The following AGFG2 variants were observed in gnomAD, a reference collection of about 807,000 sequenced individuals.
AGFG2 encodes the protein arf-GAP domain and FG repeat-containing protein 2.
In AGFG2, 31 loss-of-function variants were observed where a neutral mutation model predicts 48.0. The observed-to-expected ratio is 0.65, with a 90% CI of 0.49 to 0.87. The LOEUF (loss-of-function observed/expected upper bound fraction) is 0.87. Ranked by LOEUF, AGFG2 falls within the 40% of genes least tolerant of loss-of-function variation. The pLI is 0.00. For missense variants in AGFG2, 599 were observed against 632.6 expected, an observed-to-expected ratio of 0.95 and a Z score of 0.57; for synonymous variants, 229 against 260.8, an observed-to-expected ratio of 0.88 and a Z score of 1.18.
At chr7:100,549,675 GTTTATTTATTTA>G (rs762684092) in intron 2 of AGFG2, among the ~76,000 whole-genome samples, 72 of 151,606 alleles carry the variant, frequency 4.7e-4, no homozygotes, top group African/African-American at 1.6e-3. Flanking sequence ...CTCAATATTT[GTTTATTTATTTA>G]TTTATTTATT....
chr7:100,547,180 C>A (rs996772609), intron 1 of AGFG2, among the ~76,000 whole-genome samples: 1 of 151,062 alleles, frequency 6.6e-6, no homozygotes, highest in East Asian at 1.9e-4. Flanking sequence ...CCCCCACCAC[C>A]GCTGCTTTTG....
intron 3 of AGFG2, among the ~76,000 whole-genome samples, chr7:100,551,576 T>A (rs1800646777): frequency 6.7e-6 from 1 of 149,612 alleles, no homozygotes; most frequent in Non-Finnish European, 1.5e-5. Context: ...CCAATCAACC[T>A]CACATCAAAA....
intron 1 of AGFG2, among the ~76,000 whole-genome samples, chr7:100,539,914 G>T (rs1027710737): frequency 6.6e-6 from 1 of 152,076 alleles, no homozygotes; most frequent in Non-Finnish European, 1.5e-5. Flanking sequence ...GTGGGATGGG[G>T]TGTCGGGACT....
chr7:100,554,048 C>A, intron 4 of AGFG2, 45 bp from the exon 5 acceptor site: 1 of 1,576,764 alleles, frequency 6.3e-7, no homozygotes, highest in South Asian at 1.2e-5. Flanking sequence ...GGGCCTGGGG[C>A]ATGTCTGGGA....
intron 1 of AGFG2, among the ~76,000 whole-genome samples, chr7:100,544,299 T>G (rs1800473422): frequency 6.6e-6 from 1 of 152,182 alleles, no homozygotes; most frequent in African/African-American, 2.4e-5. Flanking sequence ...CCAACTTTAC[T>G]GTGATCACAG....
At chr7:100,560,246 TTG>T (rs904917368) in intron 6 of AGFG2, among the ~76,000 whole-genome samples, 7 of 151,926 alleles carry the variant, frequency 4.6e-5, no homozygotes, top group Admixed American at 1.3e-4. Context: ...TGGCTCAATC[TTG>T]GCTCACTGCA....
At chr7:100,561,966 CAGG>C (rs1488142715) in intron 6 of AGFG2, among the ~76,000 whole-genome samples, 1 of 152,188 alleles carries the variant, frequency 6.6e-6, no homozygotes, top group Non-Finnish European at 1.5e-5. Context: ...CAAACTGGAG[CAGG>C]AGGAGGACAG....
chr7:100,563,223 A>G (rs1800917711), intron 9 of AGFG2, among the ~76,000 whole-genome samples: 1 of 152,202 alleles, frequency 6.6e-6, no homozygotes, highest in Non-Finnish European at 1.5e-5. Context: ...TCCAGCCCTC[A>G]GCAGTGTCCC....
At chr7:100,541,412 A>G (rs1800418653) in intron 1 of AGFG2, among the ~76,000 whole-genome samples, 1 of 152,140 alleles carries the variant, frequency 6.6e-6, no homozygotes, top group African/African-American at 2.4e-5. Context: ...ATGGACTGAA[A>G]TGAAGCAAGA....
At chr7:100,540,546 C>A (rs1800403067) in intron 1 of AGFG2, among the ~76,000 whole-genome samples, 1 of 152,100 alleles carries the variant, frequency 6.6e-6, no homozygotes, top group African/African-American at 2.4e-5. Flanking sequence ...AAGCCCCCTC[C>A]ACTCCCCTCT....
Position 100,563,000 on chromosome 7 carries a change from C to T in AGFG2, c.1171+54C>T. 1 of 1,488,000 alleles carries T rather than the reference C, an allele frequency of 6.7e-7. No individual in the cohort carries two copies. The highest frequency in any genetic ancestry group is 2.3e-5 in the East Asian group (1 of 42,686). The allele number at this position is 1,488,000 out of a possible 1,614,324, so 92.2% of individuals were successfully genotyped here. On this transcript the variant is annotated intron_variant, in intron 9 of 11. Coordinates refer to ENST00000300176, the MANE Select transcript of AGFG2 (RefSeq NM_006076.5). This position sits in a 1 kb window ranked among gnomAD's most constrained non-coding sequence, Gnocchi z 5.4. ...GACCATCTGAGACTTCCAAGGCACACATTACCCTGCAGCCTCTCCCTTAAC... is the reference window on the plus strand; with the variant it reads ...GACCATCTGAGACTTCCAAGGCACATATTACCCTGCAGCCTCTCCCTTAAC...
At chr7:100,554,454 CATT>C (rs1331213313) in intron 5 of AGFG2, among the ~76,000 whole-genome samples, 196 bp downstream of exon 5, 2 of 152,140 alleles carry the variant, frequency 1.3e-5, no homozygotes, top group Non-Finnish European at 2.9e-5. Flanking sequence ...GATCCTAAAA[CATT>C]ATAGTTGAGG....
chr7:100,564,194 T>A (rs748275906), intron 10 of AGFG2, 24 bp from the exon 11 acceptor site: 7 of 1,601,330 alleles, frequency 4.4e-6, no homozygotes, highest in Non-Finnish European at 6.0e-6. Flanking sequence ...TGGTGTCAGC[T>A]GAGTGACTGC....
At position 100,553,494 on chromosome 7, in the gene AGFG2, G is replaced by A. The variant is rs746458135; in HGVS notation, c.579G>A (p.Ser193=). ...CTCTCTCAGTTGCTGCCTCCACCTC[G>A]AGCCAGGTAACTCTCAGATCTGCTC... is the stretch of plus-strand genomic sequence containing the variant. ...APSLSVAAST[S]SQPVSQSHAR... is the part of the protein sequence containing the mutation. The change falls in exon 4 of 12, where the codon TCG becomes TCA. Residue 193 remains serine, a synonymous_variant. Transcript: ENST00000300176. The A allele has an allele frequency of 7.5e-6, 12 of 1,596,208 alleles. No individual in the cohort carries two copies. In the East Asian group the frequency reaches 1.4e-4, roughly 18 times the overall value.
intron 1 of AGFG2, among the ~76,000 whole-genome samples, chr7:100,546,139 C>T (rs1306222103): frequency 6.6e-6 from 1 of 152,046 alleles, no homozygotes; most frequent in Non-Finnish European, 1.5e-5. Context: ...TCTGCCTTCC[C>T]ATCATCCTGT....
intron 5 of AGFG2, among the ~76,000 whole-genome samples, chr7:100,555,040 G>A (rs1435926124): frequency 6.6e-6 from 1 of 151,712 alleles, no homozygotes; most frequent in Non-Finnish European, 1.5e-5. Context: ...GCCTCATGGA[G>A]TAAGGACAGA....
At chr7:100,552,536 C>T (rs148135373) in intron 3 of AGFG2, among the ~76,000 whole-genome samples, 4 of 152,326 alleles carry the variant, frequency 2.6e-5, no homozygotes, top group African/African-American at 9.6e-5. Context: ...CTTACCTTTC[C>T]TCTCCCCTGG....
chr7:100,555,555 G>A (rs1800741820), intron 5 of AGFG2, 55 bp from the exon 6 acceptor site: 1 of 1,579,268 alleles, frequency 6.3e-7, no homozygotes, highest in Non-Finnish European at 8.6e-7. Flanking sequence ...TTACAGGCGT[G>A]AGCTACCACA....
chr7:100,544,016 T>G (rs1247619331), intron 1 of AGFG2, among the ~76,000 whole-genome samples: 1 of 152,232 alleles, frequency 6.6e-6, no homozygotes, highest in Non-Finnish European at 1.5e-5. Context: ...TGGTAAAAAT[T>G]GCTGCTAAAA....
Sources: gnomAD v4.1 joint callset for allele counts (sites outside exome capture counted in the v4.1 genomes callset) on GRCh38, gnomAD v4.1.1 for gene constraint, Gnocchi (gnomAD v3.1) non-coding constraint, MANE v1.5 for transcripts, NCBI Gene and HGNC (gene_info 2026-07-23, HGNC 2026-07-21) for gene names.